SLC45A4: variants seen among roughly 807,000 people sequenced by gnomAD.
SLC45A4 encodes polyamine-transporter SLC45A4.
In SLC45A4, 32 loss-of-function variants were observed where a neutral mutation model predicts 63.7. The observed-to-expected ratio is 0.50, with a 90% CI of 0.38 to 0.67. The LOEUF (loss-of-function observed/expected upper bound fraction) is 0.67. Ranked by LOEUF, SLC45A4 falls within the 30% of genes least tolerant of loss-of-function variation. SLC45A4 has a pLI of 0.00. For missense variants in SLC45A4, 1,027 were observed against 1,157.7 expected, an observed-to-expected ratio of 0.89 and a Z score of 1.64; for synonymous variants, 535 against 510.0, an observed-to-expected ratio of 1.05 and a Z score of -0.66.
rs1828776254 is a variant in SLC45A4, at chr8:141,256,414, A to C, written c.-400-1785T>G. On this transcript the variant is annotated intron_variant, in intron 1 of 8. Transcript: ENST00000517878. This position sits in a 1 kb window ranked among gnomAD's most constrained non-coding sequence, Gnocchi z 4.3. The stretch of plus-strand genomic sequence containing the variant: ...TTCCACCGAACCAAAGGTGGTCTTA[A>C]TTAGCTCCTCCTCTCTTTCTCCCCA... 1 of 374,394 alleles carries C rather than the reference A, an allele frequency of 2.7e-6. No individual in the cohort carries two copies. Among genetic ancestry groups the C allele is most frequent in the Non-Finnish European group, 5.4e-6 (1 of 186,888 alleles). The allele number at this position is 374,394 out of a possible 1,614,324, so 23.2% of individuals were successfully genotyped here. A position where few individuals can be genotyped will look rare whatever the true frequency, so the allele number is the denominator to read the frequency against.
At chr8:141,223,945 G>A (rs1826818992) in intron 2 of SLC45A4, among the ~76,000 whole-genome samples, 1 of 151,666 alleles carries the variant, frequency 6.6e-6, no homozygotes, top group Non-Finnish European at 1.5e-5. Context: ...TTTCCTTTCT[G>A]AAAACTCTGA....
chr8:141,221,791 A>T (rs1404935540), intron 2 of SLC45A4, 26 bp from the exon 3 acceptor site: 1 of 1,600,966 alleles, frequency 6.2e-7, no homozygotes, highest in Admixed American at 1.7e-5. Flanking sequence ...GGGCCGTCGC[A>T]CACGCAGGCA....
At chr8:141,258,833 G>A (rs1828926089) in intron 1 of SLC45A4, among the ~76,000 whole-genome samples, 1 of 150,848 alleles carries the variant, frequency 6.6e-6, no homozygotes, top group Non-Finnish European at 1.5e-5. Flanking sequence ...CAAGGCTGAA[G>A]TAAGCTACAA....
In SLC45A4 at chr8:141,254,273, T is replaced by A. The variant is rs1828666606; in HGVS notation, c.-44A>T. On this transcript the variant is annotated 5_prime_UTR_variant, in exon 2 of 9. Transcript: ENST00000517878. The surrounding 1 kb of genome is among the most constrained non-coding windows in gnomAD (Gnocchi z 4.5). ...TATTTATCTATATATTCTATCTATA[T>A]AAATAATGCTTTCATATATCTGTAA... 6.9e-7 allele frequency: 1 copy of A among 1,447,784 alleles called. No homozygotes were observed. Among genetic ancestry groups the A allele is most frequent in the Non-Finnish European group, 9.1e-7 (1 of 1,098,480 alleles). 89.7% of individuals were successfully genotyped at this position (1,447,784 alleles called of 1,614,324 possible). A position where few individuals can be genotyped will look rare whatever the true frequency, so the allele number is the denominator to read the frequency against.
intron 2 of SLC45A4, among the ~76,000 whole-genome samples, chr8:141,231,843 C>T (rs112350915): frequency 3.7e-4 from 57 of 152,232 alleles, no homozygotes; most frequent in African/African-American, 1.4e-3. Context: ...GCCCAGTACA[C>T]AGCGACGCCT....
chr8:141,228,054 C>A, intron 2 of SLC45A4: 9 of 1,180,768 alleles, frequency 7.6e-6, no homozygotes, highest in Non-Finnish European at 1.1e-5. Flanking sequence ...GAGGGTGAGG[C>A]AGAGCCCTGA....
Position 141,254,174 on chromosome 8 carries a change from G to T in SLC45A4, c.56C>A (p.Ser19Tyr). The change falls in exon 2 of 9, where the codon TCC becomes TAC. Residue 19 changes from serine (S) to tyrosine (Y), a missense_variant. Ser to Tyr is a moderately radical substitution (Grantham distance 144). Coordinates refer to ENST00000517878, the MANE Select transcript of SLC45A4 (RefSeq NM_001286646.2). This position sits in a 1 kb window ranked among gnomAD's most constrained non-coding sequence, Gnocchi z 4.5. ...TTTCTGCGGGTCCGGCAGGGGCACG[G>T]ATAACTCTTGAACTTGCATAGATTC... ...DPESMQVQELSVPLPDPQKAG... is the reference protein window; with the variant it reads ...DPESMQVQELYVPLPDPQKAG... The T allele has an allele frequency of 6.5e-7, 1 of 1,536,136 alleles. No individual in the cohort carries two copies. The highest frequency in any genetic ancestry group is 8.7e-7 in the Non-Finnish European group (1 of 1,146,910).
At chr8:141,288,345 C>CTT (rs936917197) in intron 1 of SLC45A4, among the ~76,000 whole-genome samples, 1 of 152,194 alleles carries the variant, frequency 6.6e-6, no homozygotes, top group African/African-American at 2.4e-5. Flanking sequence ...GCAAATGGCA[C>CTT]TTAGGGGTGT....
intron 1 of SLC45A4, among the ~76,000 whole-genome samples, chr8:141,283,980 G>A (rs1014708725): frequency 1.3e-5 from 2 of 152,212 alleles, no homozygotes; most frequent in African/African-American, 4.8e-5. Flanking sequence ...AGAGGCTGAG[G>A]AAGCCTGAGA....
In SLC45A4 at chr8:141,278,768, C is replaced by T. The variant is rs925256206; in HGVS notation, c.-400-24139G>A. ...CTAACGTCTCAACAAGGCACAGACGCACCCGCAAGGGAGTGGGCAGCACTG... is the reference window on the plus strand; with the variant it reads ...CTAACGTCTCAACAAGGCACAGACGTACCCGCAAGGGAGTGGGCAGCACTG... On this transcript the variant is annotated intron_variant, in intron 1 of 8. Coordinates refer to ENST00000517878, the MANE Select transcript of SLC45A4 (RefSeq NM_001286646.2). This position sits in a 1 kb window ranked among gnomAD's most constrained non-coding sequence, Gnocchi z 4.1. Among the ~76,000 whole-genome samples the T allele has an allele frequency of 2.6e-5, 4 of 152,380 alleles. No individual in the cohort carries two copies. The highest frequency in any genetic ancestry group is 2.0e-4 in the Admixed American group (3 of 15,310).
chr8:141,276,393 A>C (rs993256633), intron 1 of SLC45A4, among the ~76,000 whole-genome samples: 4 of 152,210 alleles, frequency 2.6e-5, no homozygotes, highest in Non-Finnish European at 5.9e-5. Flanking sequence ...CCTGAAGCTC[A>C]GTAGGGAGAG....
chr8:141,228,291 G>C, intron 2 of SLC45A4: 3 of 1,611,202 alleles, frequency 1.9e-6, no homozygotes, highest in Non-Finnish European at 2.5e-6. Flanking sequence ...CTGCCGCCCT[G>C]TGCCAGGCAC....
chr8:141,258,892 T>A (rs13259772), intron 1 of SLC45A4, among the ~76,000 whole-genome samples: 7,471 of 112,770 alleles, frequency 0.066, 261 homozygotes, highest in Non-Finnish European at 0.11. Flanking sequence ...CCTCTTTTTT[T>A]TAAAAAAAAA....
At chr8:141,280,556 G>A (rs1475680533) in intron 1 of SLC45A4, among the ~76,000 whole-genome samples, 1 of 152,010 alleles carries the variant, frequency 6.6e-6, no homozygotes, top group Non-Finnish European at 1.5e-5. Context: ...TGTTGAGGCC[G>A]GCTCTGAGGG....
chr8:141,260,077 G>A lies in SLC45A4; in HGVS notation c.-400-5448C>T, dbSNP rs111408734. ...GTCACCTGTTACGCAAGTAGTCTAC[G>A]CATGGACACAGCTGGCTTCCCTTCC... On this transcript the variant is annotated intron_variant, in intron 1 of 8. Coordinates refer to ENST00000517878, the MANE Select transcript of SLC45A4 (RefSeq NM_001286646.2). 2.2e-3 allele frequency among the ~76,000 whole-genome samples: 334 copies of A among 152,306 alleles called. 3 individuals carry two copies. Among genetic ancestry groups the A allele is most frequent in the African/African-American group, 7.8e-3 (323 of 41,538 alleles).
chr8:141,212,144 C>CCTA, intron 8 of SLC45A4, 53 bp downstream of exon 8: 1 of 855,276 alleles, frequency 1.2e-6, no homozygotes, highest in Non-Finnish European at 1.5e-6. Context: ...CGCCGCCCGC[C>CCTA]CGCCCGCCCA....
intron 2 of SLC45A4, among the ~76,000 whole-genome samples, chr8:141,235,217 C>T (rs34591810): frequency 0.34 from 51,099 of 152,070 alleles, 9,516 homozygotes; most frequent in Non-Finnish European, 0.42. Context: ...CAGCAGGGAA[C>T]GGCACTGACT....
intron 1 of SLC45A4, among the ~76,000 whole-genome samples, chr8:141,276,245 A>G (rs1173868343): frequency 6.6e-6 from 1 of 152,214 alleles, no homozygotes; most frequent in Non-Finnish European, 1.5e-5. Flanking sequence ...AGTTACCTCT[A>G]AAAACAGATT....
At chr8:141,240,434 G>A (rs545202525) in intron 2 of SLC45A4, among the ~76,000 whole-genome samples, 1 of 152,344 alleles carries the variant, frequency 6.6e-6, no homozygotes, top group East Asian at 1.9e-4. Flanking sequence ...GAGGGAAAAA[G>A]GCTACATGGG....
Sources: gnomAD v4.1 joint callset for allele counts (sites outside exome capture counted in the v4.1 genomes callset) on GRCh38, gnomAD v4.1.1 for gene constraint, Gnocchi (gnomAD v3.1) non-coding constraint, MANE v1.5 for transcripts, NCBI Gene and HGNC (gene_info 2026-07-23, HGNC 2026-07-21) for gene names.